The following SNX2 variants were observed in gnomAD, a reference collection of about 807,000 sequenced individuals.
SNX2 encodes the protein sorting nexin 2, also known as sorting nexin-2.
Under a neutral mutation model 69.9 loss-of-function variants are expected in SNX2, and 25 were observed. That is an observed-to-expected ratio of 0.36 (90% CI 0.26 to 0.50). The LOEUF is 0.50. Among genes scored for constraint, SNX2 ranks in the 20% least tolerant of loss-of-function variants. SNX2 has a pLI of 0.97. For synonymous variants in SNX2, 229 were observed against 200.4 expected, an observed-to-expected ratio of 1.14 and a Z score of -1.20; for missense variants, 551 against 613.3, an observed-to-expected ratio of 0.90 and a Z score of 1.07.
At chr5:122,806,370 G>A (rs1252552031) in intron 6 of SNX2, among the ~76,000 whole-genome samples, 1 of 152,022 alleles carries the variant, frequency 6.6e-6, no homozygotes, top group South Asian at 2.1e-4. Flanking sequence ...ATAGCTGGTG[G>A]TTTTCAGGTA....
At chr5:122,785,305 T>C (rs944202037) in intron 1 of SNX2, among the ~76,000 whole-genome samples, 2 of 151,666 alleles carry the variant, frequency 1.3e-5, no homozygotes, top group African/African-American at 4.8e-5. Context: ...TTTTAGTTTT[T>C]ATTTTTATTT....
At chr5:122,829,027 G>A (rs1257791147) in intron 14 of SNX2, among the ~76,000 whole-genome samples, 1 of 151,968 alleles carries the variant, frequency 6.6e-6, no homozygotes, top group African/African-American at 2.4e-5. Context: ...GCTGAGGCAG[G>A]GAATCGCTTG....
Position 122,799,694 on chromosome 5 carries a change from G to T in SNX2, c.229G>T (p.Ala77Ser). Residue 77 changes from alanine to serine, a missense_variant and splice_region_variant, in exon 3 of 15, where the codon GCC (alanine) becomes TCC (serine). Physicochemically the swap from Ala to Ser is moderately conservative, Grantham distance 99. Transcript: ENST00000379516. ...TAACTTGTTTAATCTATGTCTAGAA[G>T]CCACAGAAGAAGTTTCTTTGGACAG... ...DDDREDLFAE[A>S]TEEVSLDSPE... 3 of 1,610,708 alleles carry T rather than the reference G, an allele frequency of 1.9e-6. No homozygotes were observed. The highest frequency in any genetic ancestry group is 2.5e-6 in the Non-Finnish European group (3 of 1,178,186).
chr5:122,780,714 TGCAC>T (rs1752962421), intron 1 of SNX2, among the ~76,000 whole-genome samples: 2 of 151,650 alleles, frequency 1.3e-5, no homozygotes, highest in South Asian at 4.2e-4. Flanking sequence ...GGATTACAGG[TGCAC>T]GCCACCATGC....
At chr5:122,776,659 G>C (rs1313716523) in intron 1 of SNX2, among the ~76,000 whole-genome samples, 1 of 152,142 alleles carries the variant, frequency 6.6e-6, no homozygotes, top group Non-Finnish European at 1.5e-5. Flanking sequence ...TGTTGAAAGT[G>C]TCTGCAGGAT....
At chr5:122,814,044 G>A (rs1753843545) in intron 7 of SNX2, among the ~76,000 whole-genome samples, 2 of 152,148 alleles carry the variant, frequency 1.3e-5, no homozygotes, top group Admixed American at 1.3e-4. Flanking sequence ...TTACAGGCAT[G>A]AGCCACCTCA....
At chr5:122,816,158 T>C (rs748255036) in intron 8 of SNX2, among the ~76,000 whole-genome samples, 187 bp downstream of exon 8, 25 of 152,164 alleles carry the variant, frequency 1.6e-4, no homozygotes, top group Non-Finnish European at 2.9e-4. Context: ...TTGATACTTG[T>C]AGGGTGATTA....
chr5:122,823,806 GTGTGTA>G (rs1246351631), intron 11 of SNX2, among the ~76,000 whole-genome samples: 196 of 132,844 alleles, frequency 1.5e-3, no homozygotes, highest in African/African-American at 4.9e-3. Flanking sequence ...GTGTGTGTGT[GTGTGTA>G]TGTGTAGGAA....
chr5:122,819,615 G>T (rs1047644972), intron 11 of SNX2, among the ~76,000 whole-genome samples: 1 of 152,148 alleles, frequency 6.6e-6, no homozygotes, highest in African/African-American at 2.4e-5. Flanking sequence ...TTAGTATTCT[G>T]CAGATATCTG....
At position 122,803,474 on chromosome 5, in the gene SNX2, A is replaced by C; in HGVS notation, c.504A>C (p.Thr168=). The C allele has an allele frequency of 6.2e-7, 1 of 1,606,154 alleles. No individual in the cohort carries two copies. The highest frequency in any genetic ancestry group is 8.5e-7 in the Non-Finnish European group (1 of 1,177,830). The stretch of plus-strand genomic sequence containing the variant: ...AAACACCTCTTCTTCACTTGTAGAC[A>C]TCTCTTTCCATGTTCAGTAAGAGTG... ...AYMAYRVTTK[T]SLSMFSKSEF... The change falls in exon 6 of 15, where the codon ACA becomes ACC. Residue 168 remains threonine, a splice_region_variant and synonymous_variant. Transcript: ENST00000379516.
Position 122,830,133 on chromosome 5 carries a change from T to C in SNX2, c.*485T>C, listed in dbSNP as rs3776187. 23,327 of 153,878 alleles carry C rather than the reference T, an allele frequency of 0.15. 2,145 individuals are homozygous for C. The highest frequency in any genetic ancestry group is 0.35 in the East Asian group (1,838 of 5,192). The allele number at this position is 153,878 out of a possible 1,614,324, so 9.5% of individuals were successfully genotyped here. On this transcript the variant is annotated 3_prime_UTR_variant, in exon 15 of 15. Coordinates refer to ENST00000379516, the MANE Select transcript of SNX2 (RefSeq NM_003100.4). ...ATATTAGTAACAAATTATTTGGGTA[T>C]TTAAACATTAGGAATCTTTTCAAAG...
At chr5:122,787,599 G>C (rs1272187903) in intron 1 of SNX2, among the ~76,000 whole-genome samples, 13 of 152,048 alleles carry the variant, frequency 8.5e-5, no homozygotes, top group Non-Finnish European at 5.9e-5. Context: ...CTGATGGTTG[G>C]ACACCTGAAG....
At chr5:122,816,834 GA>G (rs1753910584) in intron 8 of SNX2, 80 bp from the exon 9 acceptor site, 1 of 603,662 alleles carries the variant, frequency 1.7e-6, no homozygotes, top group South Asian at 1.9e-5. Flanking sequence ...GAGGGGGGAG[GA>G]GGGGGGATCA....
chr5:122,823,779 CGTGTGTGT>C (rs10559762), intron 11 of SNX2, among the ~76,000 whole-genome samples: 133 of 145,630 alleles, frequency 9.1e-4, no homozygotes, highest in Admixed American at 9.6e-4. Flanking sequence ...AACATGTGGT[CGTGTGTGT>C]GTGTGTGTGT....
chr5:122,796,395 G>A (rs1272107359), intron 2 of SNX2, among the ~76,000 whole-genome samples: 1 of 152,170 alleles, frequency 6.6e-6, no homozygotes, highest in Non-Finnish European at 1.5e-5. Flanking sequence ...TCCATGAGAA[G>A]TTGTCACTGG....
At chr5:122,799,442 G>T (rs189801891) in intron 2 of SNX2, among the ~76,000 whole-genome samples, 1 of 152,218 alleles carries the variant, frequency 6.6e-6, no homozygotes, top group East Asian at 1.9e-4. Context: ...CTTTCAGCCT[G>T]ATCCCTACCA....
Position 122,808,308 on chromosome 5 carries a change from CTCA to C in SNX2, c.681_683del (p.Ser228del). The C allele has an allele frequency of 6.2e-7, 1 of 1,611,346 alleles. No individual in the cohort carries two copies. The highest frequency in any genetic ancestry group is 2.2e-5 in the East Asian group (1 of 44,676). ...CCAAGGTCAAAGTGGGTAAAGAAGA[CTCA>C]TCATCCACTGAGTTTGTAGAAAAAC... On this transcript the variant is annotated inframe_deletion, in exon 7 of 15. Coordinates refer to ENST00000379516, the MANE Select transcript of SNX2 (RefSeq NM_003100.4).
At chr5:122,788,765 T>C (rs1753145324) in intron 1 of SNX2, among the ~76,000 whole-genome samples, 1 of 152,216 alleles carries the variant, frequency 6.6e-6, no homozygotes, top group Non-Finnish European at 1.5e-5. Context: ...TTGTAGCAGC[T>C]TTCTTTTTTT....
At chr5:122,817,972 G>A (rs1017957279) in intron 10 of SNX2, among the ~76,000 whole-genome samples, 1 of 152,006 alleles carries the variant, frequency 6.6e-6, no homozygotes, top group Non-Finnish European at 1.5e-5. Flanking sequence ...ATCCAACAAT[G>A]TAAATATCAA....
Sources: allele counts gnomAD v4.1 joint callset (sites outside exome capture counted in the v4.1 genomes callset), GRCh38; gene constraint gnomAD v4.1.1; transcripts MANE v1.5; gene names NCBI Gene and HGNC (gene_info 2026-07-23, HGNC 2026-07-21).